Variants in DMD observed in about 807,000 individuals in gnomAD.
DMD encodes the protein mutant dystrophin.
A neutral mutation model predicts 330.1 loss-of-function variants in DMD; 63 were observed. That is an observed-to-expected ratio of 0.19 (90% CI 0.16 to 0.24). The LOEUF is 0.24. DMD is among the 10% of genes least tolerant of loss of function. The pLI, the probability that DMD is intolerant of heterozygous loss-of-function variation, is 1.00. For missense variants in DMD, 3,344 were observed against 2,684.1 expected, an observed-to-expected ratio of 1.25 and a Z score of -5.43; for synonymous variants, 1,223 against 959.8, an observed-to-expected ratio of 1.27 and a Z score of -5.07.
chrX:32,411,482 T>G (rs1421792889), intron 30 of DMD, among the ~76,000 whole-genome samples: 1 of 111,495 alleles, frequency 9.0e-6, no homozygotes, highest in Non-Finnish European at 1.9e-5. Flanking sequence ...TAGCTTTTAG[T>G]ATAGTTTGAA....
intron 2 of DMD, among the ~76,000 whole-genome samples, chrX:32,885,230 C>T (rs746414279): frequency 1.8e-5 from 2 of 111,619 alleles, no homozygotes; most frequent in African/African-American, 3.2e-5. Context: ...GGGAAGCTAC[C>T]GCATCATTCC....
At chrX:33,006,520 A>G (rs2093399185) in intron 2 of DMD, among the ~76,000 whole-genome samples, 1 of 111,732 alleles carries the variant, frequency 8.9e-6, no homozygotes, top group African/African-American at 3.2e-5. Flanking sequence ...TAATGCTGAA[A>G]CAACTGGACA....
rs1367652810 is a variant in DMD, at chrX:32,828,596, CATAT to C, written c.265-5213_265-5210del. Among the ~76,000 whole-genome samples, 4 of 109,413 alleles carry C rather than the reference CATAT, an allele frequency of 3.7e-5. No homozygotes were observed. The East Asian group carries it at 1.2e-3, about 32-fold the overall frequency. On this transcript the variant is annotated intron_variant, in intron 4 of 78. Coordinates refer to ENST00000357033, the MANE Select transcript of DMD (RefSeq NM_004006.3). ...ACATATATATCTATACATCTATACACATATATACATATGTATACATCTATACACA... is the reference window on the plus strand; with the variant it reads ...ACATATATATCTATACATCTATACACATACATATGTATACATCTATACACA...
At chrX:32,730,361 T>C (rs754585585) in intron 7 of DMD, among the ~76,000 whole-genome samples, 37 of 111,794 alleles carry the variant, frequency 3.3e-4, no homozygotes, top group Non-Finnish European at 6.2e-4. Context: ...ATAAATAAAA[T>C]GTAATGGTGC....
At chrX:32,781,375 G>A (rs1319918961) in intron 7 of DMD, among the ~76,000 whole-genome samples, 1 of 111,550 alleles carries the variant, frequency 9.0e-6, no homozygotes, top group Non-Finnish European at 1.9e-5. Flanking sequence ...AGTGAAACAT[G>A]AGAAGGACTC....
At chrX:32,404,709 T>A (rs991395810) in intron 30 of DMD, among the ~76,000 whole-genome samples, 10 of 111,691 alleles carry the variant, frequency 9.0e-5, no homozygotes, top group African/African-American at 3.2e-4. Context: ...TGTGAAAGTA[T>A]CTTTGTAATT....
At chrX:31,844,322 T>C (rs2093373200) in intron 48 of DMD, among the ~76,000 whole-genome samples, 1 of 108,983 alleles carries the variant, frequency 9.2e-6, no homozygotes, top group African/African-American at 3.4e-5. Flanking sequence ...TTGTTTACTT[T>C]GTTAAAGATC....
At chrX:31,480,919 C>T (rs764560705) in intron 57 of DMD, among the ~76,000 whole-genome samples, 5 of 111,334 alleles carry the variant, frequency 4.5e-5, no homozygotes, top group Non-Finnish European at 9.4e-5. Flanking sequence ...GGAAGAAAAT[C>T]GGGAAAAGCT....
At chrX:32,827,010 T>C (rs2078749714) in intron 4 of DMD, among the ~76,000 whole-genome samples, 1 of 108,371 alleles carries the variant, frequency 9.2e-6, no homozygotes, top group Non-Finnish European at 1.9e-5. Context: ...TTTACATCAT[T>C]TGTATTTTAC....
At chrX:31,542,033 A>G (rs983800510) in intron 55 of DMD, among the ~76,000 whole-genome samples, 6 of 112,241 alleles carry the variant, frequency 5.3e-5, no homozygotes, top group Non-Finnish European at 1.1e-4. Flanking sequence ...ACTTAAGATT[A>G]CATAGGTGGC....
At chrX:31,924,929 CTTAT>C (rs1185567538) in intron 47 of DMD, among the ~76,000 whole-genome samples, 2 of 111,828 alleles carry the variant, frequency 1.8e-5, no homozygotes, top group African/African-American at 6.5e-5. Context: ...AAAATTTAAA[CTTAT>C]TTAACAAAAT....
chrX:32,503,630 A>G (rs2044291526), intron 18 of DMD, among the ~76,000 whole-genome samples: 1 of 111,124 alleles, frequency 9.0e-6, no homozygotes, highest in Non-Finnish European at 1.9e-5. Context: ...ATCTCAGCTC[A>G]CTGCAACCTC....
intron 1 of DMD, among the ~76,000 whole-genome samples, chrX:33,210,457 G>A (rs1472577382): frequency 9.0e-6 from 1 of 110,524 alleles, no homozygotes; most frequent in Admixed American, 9.7e-5. Context: ...TAGTCATCAT[G>A]ACTTTCTTAA....
At chrX:32,866,751 GGGGA>G (rs2082538947) in intron 2 of DMD, among the ~76,000 whole-genome samples, 1 of 86,988 alleles carries the variant, frequency 1.1e-5, no homozygotes, top group African/African-American at 4.2e-5. Flanking sequence ...GTGGGGGGGG[GGGGA>G]CAGAGTTTCA....
At chrX:32,050,559 T>C (rs1304737722) in intron 44 of DMD, among the ~76,000 whole-genome samples, 5 of 111,925 alleles carry the variant, frequency 4.5e-5, no homozygotes, top group Non-Finnish European at 1.9e-5. Context: ...CTGCTAAATA[T>C]GCAACTGTAC....
intron 2 of DMD, among the ~76,000 whole-genome samples, chrX:33,016,508 C>T (rs2093805620): frequency 9.0e-6 from 1 of 111,269 alleles, no homozygotes; most frequent in African/African-American, 3.3e-5. Flanking sequence ...TATTGGGCCA[C>T]AAGAATAAGC....
At position 32,916,306 on chromosome X, in the gene DMD, G is replaced by A. The variant is rs190596908; in HGVS notation, c.94-66486C>T. Among the ~76,000 whole-genome samples the A allele has an allele frequency of 7.2e-5, 8 of 111,414 alleles. No homozygotes were observed. In the East Asian group the frequency reaches 8.4e-4, roughly 12 times the overall value. Reference sequence around the variant, plus strand: ...TTTGAAAAGATGTTTATATTCTGACGAAGGGTAACTAGAAATATTTTCTAC... The same window carrying A: ...TTTGAAAAGATGTTTATATTCTGACAAAGGGTAACTAGAAATATTTTCTAC... On this transcript the variant is annotated intron_variant, in intron 2 of 78. Coordinates refer to ENST00000357033, the MANE Select transcript of DMD (RefSeq NM_004006.3).
chrX:32,376,769 TTGATA>T (rs1468724798), intron 34 of DMD, among the ~76,000 whole-genome samples: 1 of 110,070 alleles, frequency 9.1e-6, no homozygotes, highest in Non-Finnish European at 1.9e-5. Context: ...AGGGCTTGAT[TTGATA>T]TGACAGGGAT....
At chrX:32,416,667 A>C (rs1304349993) in intron 29 of DMD, among the ~76,000 whole-genome samples, 1 of 112,059 alleles carries the variant, frequency 8.9e-6, no homozygotes, top group Non-Finnish European at 1.9e-5. Context: ...AAAGTAGAGC[A>C]ATATGGAATA....
Sources: gnomAD v4.1 joint callset for allele counts (sites outside exome capture counted in the v4.1 genomes callset) on GRCh38, gnomAD v4.1.1 for gene constraint, MANE v1.5 for transcripts, NCBI Gene and HGNC (gene_info 2026-07-23, HGNC 2026-07-21) for gene names.